RSPH1: variants seen among roughly 807,000 people sequenced by gnomAD.
RSPH1 encodes radial spoke head component 1.
In RSPH1, 32 loss-of-function variants were observed where a neutral mutation model predicts 44.2. The ratio of observed to expected loss-of-function variants is 0.72; its 90% CI spans 0.55 to 0.97. The LOEUF is 0.97. Among genes scored for constraint, RSPH1 ranks in the 50% least tolerant of loss-of-function variants. The pLI, the probability that RSPH1 is intolerant of heterozygous loss-of-function variation, is 0.00. For missense variants in RSPH1, 391 were observed against 398.7 expected (o/e 0.98, Z 0.16); for synonymous variants, 134 against 147.3 (o/e 0.91, Z 0.65).
chr21:42,492,809 T>A lies in RSPH1; in HGVS notation c.223A>T (p.Lys75Ter). 3 of 1,613,752 alleles carry A rather than the reference T, an allele frequency of 1.9e-6. No individual in the cohort carries two copies. In the South Asian group the frequency reaches 3.3e-5, roughly 18 times the overall value. Residue 75 changes from lysine to a stop codon, truncating the protein, a stop_gained, in exon 3 of 9, where the codon AAA (lysine) becomes TAA (stop). Transcript: ENST00000291536. LOFTEE classifies it high-confidence loss of function. ...ATAAAAGTGCCTTGACCGTGCTTTT[T>A]ATTTCTAACATATTCTCCGATATAT... ...ARYIGEYVRN[K>*]KHGQGTFIYP... is the part of the protein sequence containing the mutation.
chr21:42,494,245 CATA>C (rs940880374), intron 1 of RSPH1, among the ~76,000 whole-genome samples: 81 of 152,192 alleles, frequency 5.3e-4, no homozygotes, highest in African/African-American at 1.9e-3. Flanking sequence ...CTTAAATATA[CATA>C]ATAAAATTTA....
chr21:42,490,929 GC>G (rs2054229883), intron 3 of RSPH1, among the ~76,000 whole-genome samples: 1 of 152,178 alleles, frequency 6.6e-6, no homozygotes, highest in South Asian at 2.1e-4. Flanking sequence ...GATTTGTTGA[GC>G]TTCTGGGGTG....
In RSPH1 at chr21:42,492,596, C is replaced by T. The variant is rs79723167; in HGVS notation, c.274+162G>A. 4.6e-3 allele frequency among the ~76,000 whole-genome samples: 707 copies of T among 152,330 alleles called. 7 individuals carry two copies. Among genetic ancestry groups the T allele is most frequent in the African/African-American group, 0.016 (672 of 41,566 alleles). ...AATTAATTACAAGGCTTTCCTATTT[C>T]TGCATCAACACTGTGAATATAGTAA... On this transcript the variant is annotated intron_variant, in intron 3 of 8. Coordinates refer to ENST00000291536, the MANE Select transcript of RSPH1 (RefSeq NM_080860.4).
rs371312378 is a variant in RSPH1, at chr21:42,485,687, G to A, written c.483C>T (p.Gly161=). ...GACTTACATTTTTGTTCAAGAACTT[G>A]CCCTGGTACCTGTGGTTCAGGTGAA... ...ELIHLNHRYQ[G]KFLNKNPVGP... is the part of the protein sequence containing the mutation. The change falls in exon 5 of 9, where the codon GGC becomes GGT. Residue 161 remains glycine, a synonymous_variant. Transcript: ENST00000291536. 2 of 1,614,210 alleles carry A rather than the reference G, an allele frequency of 1.2e-6. No homozygotes were observed. Among genetic ancestry groups the A allele is most frequent in the South Asian group, 1.1e-5 (1 of 91,088 alleles).
intron 1 of RSPH1, among the ~76,000 whole-genome samples, chr21:42,494,778 C>T (rs2054270927): frequency 6.6e-6 from 1 of 151,612 alleles, no homozygotes; most frequent in African/African-American, 2.4e-5. Flanking sequence ...CGGCTCACTG[C>T]AACCTCTGCC....
At position 42,475,945 on chromosome 21, in the gene RSPH1, T is replaced by C; in HGVS notation, c.830A>G (p.Glu277Gly). 1 of 1,611,988 alleles carries C rather than the reference T, an allele frequency of 6.2e-7. No homozygotes were observed. Among genetic ancestry groups the C allele is most frequent in the Non-Finnish European group, 8.5e-7 (1 of 1,179,558 alleles). ...GDEDADVLRE[E>G]SREYDQEEFR... is the part of the protein sequence containing the mutation. ...CTCCTCCTGGTCATACTCCCGGCTC[T>C]CTTCCCGGAGGACGTCTGCATCTTC... Residue 277 changes from glutamate to glycine, a missense_variant, in exon 8 of 9, where the codon GAG becomes GGG. Glu to Gly is a moderately conservative substitution (Grantham distance 98). Transcript: ENST00000291536.
chr21:42,475,734 C>T (rs1288926904), intron 8 of RSPH1, among the ~76,000 whole-genome samples, 164 bp downstream of exon 8: 1 of 125,772 alleles, frequency 8.0e-6, no homozygotes, highest in African/African-American at 2.9e-5. Context: ...CAGGGAGCAA[C>T]GTTCTGAGAT....
At chr21:42,478,955 CA>C (rs1247199839) in intron 6 of RSPH1, among the ~76,000 whole-genome samples, 6 of 152,264 alleles carry the variant, frequency 3.9e-5, no homozygotes, top group African/African-American at 1.4e-4. Flanking sequence ...TAAAAGCTAT[CA>C]GGGGCTGGGG....
At position 42,492,876 on chromosome 21, in the gene RSPH1, G is replaced by T; in HGVS notation, c.169-13C>A. 1 of 1,586,366 alleles carries T rather than the reference G, an allele frequency of 6.3e-7. No homozygotes were observed. The highest frequency in any genetic ancestry group is 1.1e-5 in the South Asian group (1 of 90,420). Reference sequence around the variant, plus strand: ...ATTTGTAGATCCCCTGAAACACATTGATTATATCATTCATATCATTGCTGA... The same window carrying T: ...ATTTGTAGATCCCCTGAAACACATTTATTATATCATTCATATCATTGCTGA... On this transcript the variant is annotated splice_polypyrimidine_tract_variant and intron_variant, in intron 2 of 8. Transcript: ENST00000291536.
chr21:42,479,252 C>T (rs1213322687), intron 6 of RSPH1, among the ~76,000 whole-genome samples: 1 of 152,186 alleles, frequency 6.6e-6, no homozygotes, highest in Non-Finnish European at 1.5e-5. Flanking sequence ...CCTTCTGTTC[C>T]ACCACCATCC....
At chr21:42,495,001 G>T (rs1291330167) in intron 1 of RSPH1, among the ~76,000 whole-genome samples, 1 of 152,160 alleles carries the variant, frequency 6.6e-6, no homozygotes, top group African/African-American at 2.4e-5. Flanking sequence ...CGCCTGGCCT[G>T]ATTTTTTTAA....
intron 3 of RSPH1, among the ~76,000 whole-genome samples, chr21:42,490,819 C>A (rs963506397): frequency 3.3e-5 from 5 of 151,302 alleles, no homozygotes; most frequent in Non-Finnish European, 7.4e-5. Context: ...CCAGAAAGAC[C>A]AAGTGATAAG....
intron 3 of RSPH1, among the ~76,000 whole-genome samples, chr21:42,490,185 G>A (rs74623898): frequency 0.011 from 1,396 of 128,348 alleles, 27 homozygotes; most frequent in African/African-American, 0.039. Context: ...CAAGTCACCC[G>A]CCACCCAGGA....
At chr21:42,481,976 G>A (rs1184660873) in intron 6 of RSPH1, among the ~76,000 whole-genome samples, 1 of 152,226 alleles carries the variant, frequency 6.6e-6, no homozygotes, top group East Asian at 1.9e-4. Context: ...CAAGCTAACA[G>A]TCACTGGACA....
chr21:42,476,268 T>A (rs146018377), intron 7 of RSPH1, among the ~76,000 whole-genome samples: 2 of 152,010 alleles, frequency 1.3e-5, no homozygotes, highest in East Asian at 3.9e-4. Context: ...TGGGAGCAGG[T>A]AGTCTGATAA....
chr21:42,485,503 G>T lies in RSPH1; in HGVS notation c.501+166C>A. ...CTTCCCCCAATTCTGTGCTCTGTGG[G>T]TACCAGAGGCTCAGAGAATGGCACA... is the stretch of plus-strand genomic sequence containing the variant. On this transcript the variant is annotated intron_variant, in intron 5 of 8. Coordinates refer to ENST00000291536, the MANE Select transcript of RSPH1 (RefSeq NM_080860.4). 7.0e-6 allele frequency: 5 copies of T among 717,738 alleles called. No homozygotes were observed. The South Asian group carries it at 7.5e-5, about 11-fold the overall frequency. The allele number at this position is 717,738 out of a possible 1,614,324, so 44.5% of individuals were successfully genotyped here. A position where few individuals can be genotyped will look rare whatever the true frequency, so the allele number is the denominator to read the frequency against.
At chr21:42,480,295 C>T (rs553561941) in intron 6 of RSPH1, among the ~76,000 whole-genome samples, 9 of 152,254 alleles carry the variant, frequency 5.9e-5, no homozygotes, top group Admixed American at 2.6e-4. Flanking sequence ...CAAAGACTCC[C>T]TTTGGTTTTA....
intron 4 of RSPH1, 183 bp from the exon 5 acceptor site, chr21:42,485,987 T>C (rs2054177108): frequency 1.7e-5 from 12 of 723,742 alleles, no homozygotes; most frequent in Non-Finnish European, 2.5e-5. Flanking sequence ...GCACAGGACA[T>C]TGCCAGAGGC....
chr21:42,477,542 T>C, intron 6 of RSPH1, 98 bp from the exon 7 acceptor site: 3 of 1,325,738 alleles, frequency 2.3e-6, no homozygotes, highest in Non-Finnish European at 3.2e-6. Context: ...GAAAGACAGG[T>C]TTTGGCTTGT....
Sources: allele counts gnomAD v4.1 joint callset (sites outside exome capture counted in the v4.1 genomes callset), GRCh38; gene constraint gnomAD v4.1.1; transcripts MANE v1.5; gene names NCBI Gene and HGNC (gene_info 2026-07-23, HGNC 2026-07-21).